Variants in FSIP1 observed in about 807,000 individuals in gnomAD.
The protein encoded by FSIP1 is fibrous sheath-interacting protein 1.
FSIP1 carries 65 observed loss-of-function variants against 60.9 expected under a neutral mutation model. The ratio of observed to expected loss-of-function variants is 1.07; its 90% CI spans 0.87 to 1.31. The LOEUF is 1.31. Among genes scored for constraint, FSIP1 ranks in the 40% most tolerant of loss-of-function variants. FSIP1 has a pLI of 0.00. For synonymous variants in FSIP1, 209 were observed against 221.2 expected, an observed-to-expected ratio of 0.94 and a Z score of 0.49; for missense variants, 675 against 665.5, an observed-to-expected ratio of 1.01 and a Z score of -0.16.
At chr15:39,778,690 A>G (rs995512620) in intron 1 of FSIP1, among the ~76,000 whole-genome samples, 1 of 152,222 alleles carries the variant, frequency 6.6e-6, no homozygotes, top group African/African-American at 2.4e-5. Context: ...TTATGCCTTA[A>G]TTATATTGAG....
intron 8 of FSIP1, 98 bp from the exon 9 acceptor site, chr15:39,726,845 A>G: frequency 1.5e-6 from 1 of 663,404 alleles, no homozygotes; most frequent in Non-Finnish European, 2.6e-6. Context: ...CTTCACATAC[A>G]CACACAAACA....
intron 10 of FSIP1, among the ~76,000 whole-genome samples, chr15:39,703,574 A>G (rs1595634796): frequency 6.6e-6 from 1 of 152,188 alleles, no homozygotes; most frequent in African/African-American, 2.4e-5. Context: ...ATGGAAAAAT[A>G]TCCAACTATC....
chr15:39,730,024 C>T (rs1443939354), intron 8 of FSIP1, among the ~76,000 whole-genome samples: 2 of 151,842 alleles, frequency 1.3e-5, no homozygotes, highest in African/African-American at 2.4e-5. Flanking sequence ...TGCATGTGTA[C>T]CCCTGAACCT....
chr15:39,602,525 T>C (rs1207995932), intron 11 of FSIP1, among the ~76,000 whole-genome samples: 1 of 152,164 alleles, frequency 6.6e-6, no homozygotes, highest in Non-Finnish European at 1.5e-5. Flanking sequence ...AACCTTGTAA[T>C]GAAGGGCAGA....
intron 11 of FSIP1, among the ~76,000 whole-genome samples, chr15:39,612,038 A>C (rs1459298087): frequency 6.6e-6 from 1 of 152,220 alleles, no homozygotes; most frequent in Non-Finnish European, 1.5e-5. Context: ...ATGATCTGAG[A>C]GATAGACTGC....
intron 6 of FSIP1, among the ~76,000 whole-genome samples, chr15:39,740,981 T>A (rs945006300): frequency 3.3e-5 from 5 of 152,134 alleles, no homozygotes; most frequent in Non-Finnish European, 5.9e-5. Flanking sequence ...TTTTTAACAA[T>A]CACGTAATTA....
In FSIP1 at chr15:39,609,032, T is replaced by A. The variant is rs142221493; in HGVS notation, c.1700-8106A>T. 5.1e-3 allele frequency among the ~76,000 whole-genome samples: 771 copies of A among 152,140 alleles called. 7 individuals are homozygous for A. The highest frequency in any genetic ancestry group is 0.018 in the African/African-American group (736 of 41,498). On this transcript the variant is annotated intron_variant, in intron 11 of 11. Transcript: ENST00000350221. Reference sequence around the variant, plus strand: ...AGTGGGAAAAGAGAGAGGCAAACATTCAGCTTCCCCAACATTCTGGGACCC... The same window carrying A: ...AGTGGGAAAAGAGAGAGGCAAACATACAGCTTCCCCAACATTCTGGGACCC...
At chr15:39,725,126 G>T (rs1419752400) in intron 9 of FSIP1, among the ~76,000 whole-genome samples, 1 of 152,134 alleles carries the variant, frequency 6.6e-6, no homozygotes, top group Non-Finnish European at 1.5e-5. Flanking sequence ...AGCTACTCAG[G>T]AGGCTAAGGC....
At chr15:39,743,298 C>T (rs1306155154) in intron 5 of FSIP1, among the ~76,000 whole-genome samples, 1 of 152,158 alleles carries the variant, frequency 6.6e-6, no homozygotes, top group Non-Finnish European at 1.5e-5. Context: ...GCTCTTTGCC[C>T]ATCTTCCCAG....
chr15:39,699,834 A>G (rs1002144272), intron 10 of FSIP1, among the ~76,000 whole-genome samples: 4 of 152,150 alleles, frequency 2.6e-5, no homozygotes, highest in Middle Eastern at 3.2e-3. Context: ...CTGTTTTTCA[A>G]TCACTGCCAC....
chr15:39,699,437 C>A lies in FSIP1; in HGVS notation c.1188+14007G>T, dbSNP rs528951858. 1.3e-4 allele frequency among the ~76,000 whole-genome samples: 20 copies of A among 152,308 alleles called. No individual in the cohort carries two copies. The South Asian group carries it at 3.5e-3, about 27-fold the overall frequency. On this transcript the variant is annotated intron_variant, in intron 10 of 11. Transcript: ENST00000350221. Reference sequence around the variant, plus strand: ...AGAATATAATGTCTATTATGTGGATCATTTCATTTTATTGAACGTCCACTT... The same window carrying A: ...AGAATATAATGTCTATTATGTGGATAATTTCATTTTATTGAACGTCCACTT...
chr15:39,636,510 G>C (rs1298087880), intron 10 of FSIP1, among the ~76,000 whole-genome samples: 3 of 152,196 alleles, frequency 2.0e-5, no homozygotes, highest in African/African-American at 7.2e-5. Context: ...AACTCCTTCA[G>C]ATGGCAGAAA....
chr15:39,629,692 T>C (rs1438823182), intron 10 of FSIP1, among the ~76,000 whole-genome samples: 2 of 152,350 alleles, frequency 1.3e-5, no homozygotes, highest in East Asian at 1.9e-4. Flanking sequence ...TCTAGGTCAA[T>C]GTACAACTCT....
At chr15:39,635,923 G>A (rs1291167249) in intron 10 of FSIP1, among the ~76,000 whole-genome samples, 3 of 152,090 alleles carry the variant, frequency 2.0e-5, no homozygotes, top group African/African-American at 7.2e-5. Flanking sequence ...ACAGAGAACA[G>A]CCAAATTTTT....
chr15:39,773,536 A>G (rs35032346), intron 2 of FSIP1, among the ~76,000 whole-genome samples: 7,025 of 152,300 alleles, frequency 0.046, 218 homozygotes, highest in Middle Eastern at 0.078. Context: ...GTGTATTAAA[A>G]TATGTGTAAG....
At chr15:39,599,833 A>G (rs1222676900), downstream of FSIP1, among the ~76,000 whole-genome samples, 2 of 152,240 alleles carry the variant, frequency 1.3e-5, no homozygotes, top group African/African-American at 2.4e-5. Flanking sequence ...TAGCACATTG[A>G]CATCAGCATG....
chr15:39,598,749 G>A (rs1256752311), downstream of FSIP1: 1 of 151,982 alleles, frequency 6.6e-6, no homozygotes, highest in African/African-American at 2.4e-5. Flanking sequence ...CATGTGTTGT[G>A]GGAGAGCTCG....
chr15:39,654,671 G>A (rs1047173744), intron 10 of FSIP1, among the ~76,000 whole-genome samples: 4 of 152,200 alleles, frequency 2.6e-5, no homozygotes, highest in Admixed American at 1.3e-4. Context: ...ACGTATATTC[G>A]TTTTTCAGCA....
At chr15:39,726,788 A>G (rs749673289) in intron 8 of FSIP1, 41 bp from the exon 9 acceptor site, 4 of 1,592,266 alleles carry the variant, frequency 2.5e-6, no homozygotes, top group Middle Eastern at 1.7e-4. Context: ...CTCAGGCTAT[A>G]TTTTTGCCAA....
Sources: gnomAD v4.1 joint callset for allele counts (sites outside exome capture counted in the v4.1 genomes callset) on GRCh38, gnomAD v4.1.1 for gene constraint, MANE v1.5 for transcripts, NCBI Gene and HGNC (gene_info 2026-07-23, HGNC 2026-07-21) for gene names.